The following CFHR5 variants were observed in gnomAD, a reference collection of about 807,000 sequenced individuals.
CFHR5 encodes the protein complement factor H related 5.
In CFHR5, 73 loss-of-function variants were observed where a neutral mutation model predicts 62.9. The ratio of observed to expected loss-of-function variants is 1.16; its 90% CI spans 0.96 to 1.41. The LOEUF (loss-of-function observed/expected upper bound fraction) is 1.41. Among genes scored for constraint, CFHR5 ranks in the 40% most tolerant of loss-of-function variants. The pLI, the probability that CFHR5 is intolerant of heterozygous loss-of-function variation, is 0.00. For missense variants in CFHR5, 779 were observed against 679.9 expected (o/e 1.15, Z -1.62); for synonymous variants, 249 against 227.2 (o/e 1.10, Z -0.86).
chr1:196,990,859 C>T (rs1042616621), intron 3 of CFHR5, among the ~76,000 whole-genome samples: 4 of 151,896 alleles, frequency 2.6e-5, no homozygotes, highest in Admixed American at 6.6e-5. Context: ...CTGCTCTTCT[C>T]GAGGAGTATT....
chr1:196,996,156 A>G lies in CFHR5; in HGVS notation c.925A>G (p.Ile309Val). The G allele has an allele frequency of 6.2e-7, 1 of 1,613,306 alleles. No individual in the cohort carries two copies. Among genetic ancestry groups the G allele is most frequent in the Non-Finnish European group, 8.5e-7 (1 of 1,179,360 alleles). ...ATATGCAATGATTGGAAATAACATG[A>G]TTACCTGTATTAATGGAATATGGAC... ...NEYAMIGNNM[I>V]TCINGIWTEL... Residue 309 changes from isoleucine (I) to valine (V), a missense_variant, in exon 6 of 10, where the codon ATT (isoleucine) becomes GTT (valine). By Grantham distance (29) the Ile-to-Val change is conservative. Coordinates refer to ENST00000256785, the MANE Select transcript of CFHR5 (RefSeq NM_030787.4).
intron 4 of CFHR5, 131 bp downstream of exon 4, chr1:196,994,387 G>A: frequency 5.4e-6 from 4 of 742,814 alleles, no homozygotes; most frequent in South Asian, 1.7e-5. Context: ...AAAGGATGCA[G>A]TTCTATAGTA....
At position 196,996,074 on chromosome 1, in the gene CFHR5, G is replaced by A; in HGVS notation, c.843G>A (p.Gln281=). ...CTGAACTCGAGTACGGTTATGTTCA[G>A]CCGTCTGTCCCTCCCTATCAACATG... ...YIPELEYGYV[Q]PSVPPYQHGV... is the part of the protein sequence containing the mutation. Residue 281 remains glutamine, a synonymous_variant, in exon 6 of 10, where the codon CAG becomes CAA. Coordinates refer to ENST00000256785, the MANE Select transcript of CFHR5 (RefSeq NM_030787.4). 6.2e-7 allele frequency: 1 copy of A among 1,613,858 alleles called. No individual in the cohort carries two copies.
intron 7 of CFHR5, among the ~76,000 whole-genome samples, chr1:196,998,557 GAAAT>G (rs758357540): frequency 4.0e-5 from 6 of 151,728 alleles, no homozygotes; most frequent in Non-Finnish European, 8.8e-5. Context: ...AAGAAAAAAA[GAAAT>G]AAAGAACTGT....
rs970917247 is a variant in CFHR5 at position 196,995,608 on chromosome 1, A to G, written c.608-109A>G. ...GCAAAAAACACATGTCCCCAAAAAT[A>G]GAAGTGCAATATAAAGGCAATTAAT... is the stretch of plus-strand genomic sequence containing the variant. On this transcript the variant is annotated intron_variant, in intron 4 of 9. Transcript: ENST00000256785. The G allele has an allele frequency of 4.9e-5, 43 of 880,176 alleles. No individual in the cohort carries two copies. The African/African-American group carries it at 6.0e-4, about 12-fold the overall frequency. 54.5% of individuals were successfully genotyped at this position (880,176 alleles called of 1,614,324 possible). A position where few individuals can be genotyped will look rare whatever the true frequency, so the allele number is the denominator to read the frequency against.
At chr1:196,979,005 G>T (rs1205521194) in intron 1 of CFHR5, among the ~76,000 whole-genome samples, 1 of 151,940 alleles carries the variant, frequency 6.6e-6, no homozygotes, top group Non-Finnish European at 1.5e-5. Flanking sequence ...CTTTTGTTTT[G>T]GTGTCTATTT....
intron 1 of CFHR5, among the ~76,000 whole-genome samples, chr1:196,978,562 C>T (rs1192100050): frequency 6.6e-6 from 1 of 152,094 alleles, no homozygotes. Flanking sequence ...ATTTTTTGAA[C>T]ACTTTCTTCT....
In CFHR5 at chr1:196,994,080, A is replaced by G. The variant is rs201787238; in HGVS notation, c.431A>G (p.Lys144Arg). The change falls in exon 4 of 10, where the codon AAA (lysine) becomes AGA (arginine). Residue 144 changes from lysine (K) to arginine (R), a missense_variant and splice_region_variant. By Grantham distance (26) the Lys-to-Arg change is conservative. Coordinates refer to ENST00000256785, the MANE Select transcript of CFHR5 (RefSeq NM_030787.4). The part of the protein sequence containing the change: ...WSTPPICSFT[K>R]GECHVPILEA... Reference sequence around the variant, plus strand: ...TATGTTCATTTAATTTTATTTTTAGAAGGAGAATGTCATGTTCCAATTTTA... The same window carrying G: ...TATGTTCATTTAATTTTATTTTTAGGAGGAGAATGTCATGTTCCAATTTTA... 223 of 1,608,996 alleles carry G rather than the reference A, an allele frequency of 1.4e-4. No individual in the cohort carries two copies. Among genetic ancestry groups the G allele is most frequent in the Admixed American group, 3.3e-4 (20 of 59,970 alleles).
chr1:196,987,795 G>C (rs1220004936), intron 3 of CFHR5, among the ~76,000 whole-genome samples: 1 of 152,182 alleles, frequency 6.6e-6, no homozygotes, highest in Non-Finnish European at 1.5e-5. Context: ...TTTGAAGTTA[G>C]GTAGCCTGAT....
chr1:197,001,807 A>G (rs1654161525), intron 7 of CFHR5, among the ~76,000 whole-genome samples: 2 of 149,964 alleles, frequency 1.3e-5, no homozygotes, highest in East Asian at 4.0e-4. Flanking sequence ...GTTAGTAGAC[A>G]GTAGCCACCA....
rs182502608 is a variant in CFHR5, at chr1:196,999,827, G to A, written c.1147+1523G>A. Among the ~76,000 whole-genome samples the A allele has an allele frequency of 5.1e-3, 739 of 146,108 alleles. 10 individuals are homozygous for A. The highest frequency in any genetic ancestry group is 0.014 in the African/African-American group (575 of 39,852). ...TATATGTGTGTGTGTGTGTGTGTGT[G>A]TATATATATAATATATATGTATATC... On this transcript the variant is annotated intron_variant, in intron 7 of 9. Coordinates refer to ENST00000256785, the MANE Select transcript of CFHR5 (RefSeq NM_030787.4).
At chr1:196,995,304 A>G (rs966624562) in intron 4 of CFHR5, among the ~76,000 whole-genome samples, 2 of 151,648 alleles carry the variant, frequency 1.3e-5, no homozygotes, top group African/African-American at 4.8e-5. Flanking sequence ...AGAAAATATT[A>G]TTAATTTGGT....
chr1:196,977,834 G>A, intron 1 of CFHR5, 112 bp downstream of exon 1: 1 of 845,184 alleles, frequency 1.2e-6, no homozygotes, highest in Non-Finnish European at 2.0e-6. Context: ...AGGATAATTT[G>A]AAGGGGTATC....
At position 196,982,077 on chromosome 1, in the gene CFHR5, T is replaced by C. The variant is rs544148971; in HGVS notation, c.59-808T>C. ...TTGTAACCAGAAAGTAATCAGAATATTAATAAACAAAAAATCAAATTACCT... is the reference window on the plus strand; with the variant it reads ...TTGTAACCAGAAAGTAATCAGAATACTAATAAACAAAAAATCAAATTACCT... On this transcript the variant is annotated intron_variant, in intron 1 of 9. Transcript: ENST00000256785. 2.6e-5 allele frequency among the ~76,000 whole-genome samples: 4 copies of C among 152,130 alleles called. No homozygotes were observed. The East Asian group carries it at 7.8e-4, about 29-fold the overall frequency.
rs57960694 is a variant in CFHR5 at position 196,994,083 on chromosome 1, G to A, written c.434G>A (p.Gly145Glu). The A allele has an allele frequency of 7.5e-3, 12,148 of 1,609,912 alleles. 593 individuals are homozygous for A. In the African/African-American group the frequency reaches 0.12, roughly 16 times the overall value. Residue 145 changes from glycine (G) to glutamate (E), a missense_variant, in exon 4 of 10, where the codon GGA becomes GAA. Coordinates refer to ENST00000256785, the MANE Select transcript of CFHR5 (RefSeq NM_030787.4). Reference sequence around the variant, plus strand: ...GTTCATTTAATTTTATTTTTAGAAGGAGAATGTCATGTTCCAATTTTAGAA... The same window carrying A: ...GTTCATTTAATTTTATTTTTAGAAGAAGAATGTCATGTTCCAATTTTAGAA... The part of the protein sequence containing the change: ...STPPICSFTK[G>E]ECHVPILEAN...
chr1:197,007,250 G>C (rs2125041079), intron 9 of CFHR5, among the ~76,000 whole-genome samples: 1 of 151,748 alleles, frequency 6.6e-6, no homozygotes, highest in African/African-American at 2.4e-5. Context: ...TTAGAGTCTT[G>C]ACTAGTAGGT....
intron 2 of CFHR5, 100 bp from the exon 3 acceptor site, chr1:196,983,859 CAT>C (rs1182402248): frequency 1.7e-5 from 13 of 745,298 alleles, no homozygotes; most frequent in Admixed American, 1.7e-4. Flanking sequence ...AATATTTACA[CAT>C]GATGTCAGTT....
chr1:196,986,305 T>C (rs1653679935), intron 3 of CFHR5, among the ~76,000 whole-genome samples: 1 of 152,056 alleles, frequency 6.6e-6, no homozygotes. Context: ...TACAACACCA[T>C]GCAATAACCA....
chr1:196,989,922 C>G (rs977714980), intron 3 of CFHR5, among the ~76,000 whole-genome samples: 6 of 152,108 alleles, frequency 3.9e-5, no homozygotes, highest in South Asian at 2.1e-4. Flanking sequence ...TCCTGGATAA[C>G]CTTGTTAACC....
Sources: gnomAD v4.1 joint callset for allele counts (sites outside exome capture counted in the v4.1 genomes callset) on GRCh38, gnomAD v4.1.1 for gene constraint, MANE v1.5 for transcripts, NCBI Gene and HGNC (gene_info 2026-07-23, HGNC 2026-07-21) for gene names.